AKAP9: variants seen among roughly 807,000 people sequenced by gnomAD.
The protein encoded by AKAP9 is A-kinase anchoring protein 9.
Under a neutral mutation model 488.5 loss-of-function variants are expected in AKAP9, and 311 were observed. The observed-to-expected ratio is 0.64, with a 90% CI of 0.58 to 0.70. The LOEUF (loss-of-function observed/expected upper bound fraction) is 0.70. AKAP9 is among the 30% of genes least tolerant of loss of function. The probability of loss-of-function intolerance (pLI) is 0.00; values close to 1 mark genes in which losing one functional copy is unlikely to be tolerated. For synonymous variants in AKAP9, 1,462 were observed against 1,483.5 expected (o/e 0.99, Z 0.33); for missense variants, 4,215 against 4,374.5 (o/e 0.96, Z 1.03).
In AKAP9 at chr7:92,100,857, C is replaced by G. The variant is rs575612203; in HGVS notation, c.10898C>G (p.Ser3633Cys). 1 of 1,614,126 alleles carries G rather than the reference C, an allele frequency of 6.2e-7. No homozygotes were observed. Among genetic ancestry groups the G allele is most frequent in the East Asian group, 2.2e-5 (1 of 44,876 alleles). Reference protein sequence around the residue: ...YRQTGAGRDNSSRFSLNGGAN... With the variant: ...YRQTGAGRDNCSRFSLNGGAN... ...GTAAGTAGGCTGTGGTCTTTGCAGT[C>G]TTCCAGGTTTTCATTGAATGGTGGT... The change falls in exon 45 of 50, where the codon TCT becomes TGT. Residue 3633 changes from serine (S) to cysteine (C), a missense_variant and splice_region_variant. By Grantham distance (112) the Ser-to-Cys change is moderately radical. Coordinates refer to ENST00000356239, the MANE Select transcript of AKAP9 (RefSeq NM_005751.5).
At chr7:91,948,624 T>A (rs1013335500) in intron 1 of AKAP9, among the ~76,000 whole-genome samples, 1 of 125,488 alleles carries the variant, frequency 8.0e-6, no homozygotes, top group Non-Finnish European at 1.7e-5. Flanking sequence ...TTTTTTTTTT[T>A]TTTTGAGATG....
intron 43 of AKAP9, 83 bp downstream of exon 43, chr7:92,098,297 T>G (rs571428028): frequency 1.4e-6 from 1 of 740,180 alleles, no homozygotes; most frequent in South Asian, 1.6e-5. Context: ...TGCAGCATAT[T>G]CTTTATACTC....
chr7:92,038,741 C>T lies in AKAP9; in HGVS notation c.4661C>T (p.Ser1554Phe), dbSNP rs1563028828. 2 of 1,605,770 alleles carry T rather than the reference C, an allele frequency of 1.2e-6. No individual in the cohort carries two copies. The highest frequency in any genetic ancestry group is 8.5e-7 in the Non-Finnish European group (1 of 1,177,056). Residue 1554 changes from serine (S) to phenylalanine (F), a missense_variant, in exon 17 of 50, where the codon TCC (serine) becomes TTC (phenylalanine). Physicochemically the swap from Ser to Phe is radical, Grantham distance 155. Around this residue, in one of 5 missense-constraint regions of AKAP9, gnomAD observed 2,361 missense variants for 2,430.0 expected, o/e 0.97. Coordinates refer to ENST00000356239, the MANE Select transcript of AKAP9 (RefSeq NM_005751.5). ...CVLTISEEMF[S>F]KDKTFIVRQS... ...CTGACTATTTCAGAAGAAATGTTCT[C>T]CAAAGATAAAACATTTATAGTTAGA...
intron 16 of AKAP9, among the ~76,000 whole-genome samples, chr7:92,032,366 CATG>C (rs1166228313): frequency 6.6e-6 from 1 of 151,950 alleles, no homozygotes; most frequent in East Asian, 1.9e-4. Context: ...CGTGGTGACG[CATG>C]TCTGTAATCC....
intron 8 of AKAP9, among the ~76,000 whole-genome samples, chr7:92,011,298 T>C (rs998849646): frequency 6.6e-6 from 1 of 152,204 alleles, no homozygotes; most frequent in Non-Finnish European, 1.5e-5. Context: ...TGAAAACTTA[T>C]TTATGAATAA....
intron 1 of AKAP9, among the ~76,000 whole-genome samples, chr7:91,955,013 T>C: frequency 6.6e-6 from 1 of 152,334 alleles, no homozygotes; most frequent in South Asian, 2.1e-4. Flanking sequence ...TTTAGGAGTA[T>C]CTGTAGATTG....
chr7:92,070,806 C>CAAAAAAAAAAAAAAAAAAAAAGAAAAAA, intron 27 of AKAP9, 99 bp from the exon 28 acceptor site: 1 of 457,770 alleles, frequency 2.2e-6, no homozygotes, highest in Non-Finnish European at 3.5e-6. Context: ...TGCTGCTTCT[C>CAAAAAAAAAAAAAAAAAAAAAGAAAAAA]AAAAAAAAAA....
intron 3 of AKAP9, among the ~76,000 whole-genome samples, chr7:91,990,978 A>G (rs114236827): frequency 0.014 from 2,171 of 151,720 alleles, 38 homozygotes; most frequent in African/African-American, 0.05. Flanking sequence ...CCCTTTGAAC[A>G]TACAGTGGAT....
intron 21 of AKAP9, among the ~76,000 whole-genome samples, chr7:92,046,123 C>A (rs896141366): frequency 2.6e-5 from 4 of 152,112 alleles, no homozygotes; most frequent in African/African-American, 9.7e-5. Flanking sequence ...CGTGAGCCAC[C>A]ATGCCCGGCC....
At chr7:91,986,324 G>C (rs1797082931) in intron 3 of AKAP9, among the ~76,000 whole-genome samples, 1 of 152,314 alleles carries the variant, frequency 6.6e-6, no homozygotes, top group African/African-American at 2.4e-5. Context: ...GGCTAGGAAA[G>C]GGAAATCCTC....
chr7:92,008,035 CA>C (rs1800154680), intron 8 of AKAP9, among the ~76,000 whole-genome samples: 1 of 152,054 alleles, frequency 6.6e-6, no homozygotes, highest in Admixed American at 6.5e-5. Context: ...ATAACCAAAA[CA>C]GGAGGAAAAG....
chr7:92,049,746 A>G (rs1292880460), intron 21 of AKAP9, among the ~76,000 whole-genome samples: 5 of 152,038 alleles, frequency 3.3e-5, no homozygotes, highest in African/African-American at 1.2e-4. Flanking sequence ...GATTGTTTAT[A>G]CTTTCAAAAT....
At position 92,045,188 on chromosome 7, in the gene AKAP9, A is replaced by G; in HGVS notation, c.5343A>G (p.Ser1781=). 1 of 1,613,996 alleles carries G rather than the reference A, an allele frequency of 6.2e-7. No homozygotes were observed. ...WRSEAEASVK[S]CVHEEHTRVT... ...CAGAAGCAGAGGCATCTGTAAAGTC[A>G]TGTGTCCATGAGGAACATACAAGAG... Residue 1781 remains serine, a synonymous_variant, in exon 21 of 50, where the codon TCA becomes TCG. Transcript: ENST00000356239.
chr7:92,057,504 A>G (rs913002270), intron 22 of AKAP9: 2 of 177,330 alleles, frequency 1.1e-5, no homozygotes, highest in African/African-American at 4.7e-5. Flanking sequence ...CTGTCAGTGT[A>G]CCTATAGGTA....
At chr7:91,974,542 G>A (rs1020115465) in intron 2 of AKAP9, among the ~76,000 whole-genome samples, 17 of 152,146 alleles carry the variant, frequency 1.1e-4, no homozygotes, top group African/African-American at 4.1e-4. Flanking sequence ...CAGTAAGTGT[G>A]AGTCTTCCAA....
At chr7:92,022,468 C>T in intron 13 of AKAP9, 116 bp downstream of exon 13, 1 of 731,864 alleles carries the variant, frequency 1.4e-6, no homozygotes, top group Admixed American at 2.3e-5. Flanking sequence ...ACTGTAGCCT[C>T]TCTGATCTCA....
chr7:92,106,285 A>G (rs1818495363), intron 47 of AKAP9, among the ~76,000 whole-genome samples: 1 of 152,238 alleles, frequency 6.6e-6, no homozygotes, highest in Admixed American at 6.5e-5. Context: ...TTCATGGAGA[A>G]CTTAGTCTGC....
rs1015304672 is a variant in AKAP9 at position 92,100,091 on chromosome 7, T to C, written c.10896+222T>C. 1.3e-5 allele frequency: 6 copies of C among 459,054 alleles called. No individual in the cohort carries two copies. The Admixed American group carries it at 1.7e-4, about 13-fold the overall frequency. The allele number at this position is 459,054 out of a possible 1,614,324, so 28.4% of individuals were successfully genotyped here. ...TCTCTGTACTCGACTCTGGGTTGTA[T>C]ACATACAGAATCTCTAATCCACATC... is the stretch of plus-strand genomic sequence containing the variant. On this transcript the variant is annotated intron_variant, in intron 44 of 49. Coordinates refer to ENST00000356239, the MANE Select transcript of AKAP9 (RefSeq NM_005751.5).
chr7:92,089,667 ATC>A, intron 38 of AKAP9, 138 bp downstream of exon 38: 1 of 974,172 alleles, frequency 1.0e-6, no homozygotes, highest in Non-Finnish European at 1.6e-6. Flanking sequence ...TAAGGATACA[ATC>A]TATATTAATT....
Sources: allele counts gnomAD v4.1 joint callset (sites outside exome capture counted in the v4.1 genomes callset), GRCh38; gene constraint gnomAD v4.1.1; regional missense constraint gnomAD v4.1.1; transcripts MANE v1.5; gene names NCBI Gene and HGNC (gene_info 2026-07-23, HGNC 2026-07-21).